The following SMTNL2 variants were observed in gnomAD, a reference collection of about 807,000 sequenced individuals.
The protein encoded by SMTNL2 is smoothelin like 2.
In SMTNL2, 43 loss-of-function variants were observed where a neutral mutation model predicts 44.1. The ratio of observed to expected loss-of-function variants is 0.98; its 90% confidence interval spans 0.76 to 1.26. The LOEUF is 1.26. Ranked by LOEUF, SMTNL2 falls within the 50% of genes most tolerant of loss-of-function variation. SMTNL2 has a pLI of 0.00. For synonymous variants in SMTNL2, 317 were observed against 287.6 expected, an observed-to-expected ratio of 1.10 and a Z score of -1.03; for missense variants, 646 against 670.2, an observed-to-expected ratio of 0.96 and a Z score of 0.40.
chr17:4,607,630 C>G lies in SMTNL2; in HGVS notation c.*143C>G. 1 of 1,314,860 alleles carries G rather than the reference C, an allele frequency of 7.6e-7. No individual in the cohort carries two copies. 81.4% of individuals were successfully genotyped at this position (1,314,860 alleles called of 1,614,324 possible). ...TTCTGTGGCATGTGACGGCACTCCC[C>G]TTCGAGCCCAGCTGTGTTACTGATT... On this transcript the variant is annotated 3_prime_UTR_variant, in exon 8 of 8. Coordinates refer to ENST00000389313, the MANE Select transcript of SMTNL2 (RefSeq NM_001114974.2). The surrounding 1 kb of genome is among the most constrained non-coding windows in gnomAD (Gnocchi z 4.7).
intron 1 of SMTNL2, among the ~76,000 whole-genome samples, chr17:4,586,820 A>G (rs1361519953): frequency 1.3e-5 from 2 of 151,952 alleles, no homozygotes; most frequent in African/African-American, 4.8e-5. Flanking sequence ...GAATGAGCAG[A>G]TGGGGTAGTC....
intron 5 of SMTNL2, 31 bp from the exon 6 acceptor site, chr17:4,596,829 C>A (rs1348006595): frequency 2.1e-6 from 3 of 1,417,694 alleles, no homozygotes; most frequent in South Asian, 3.0e-5. Context: ...GCTGGAGGGG[C>A]CCCCGCAGCA....
intron 7 of SMTNL2, among the ~76,000 whole-genome samples, chr17:4,601,086 G>A (rs987253847): frequency 2.6e-5 from 4 of 152,176 alleles, no homozygotes; most frequent in Admixed American, 6.5e-5. Flanking sequence ...CCACTGATGC[G>A]GGGCGTAAGC....
intron 7 of SMTNL2, among the ~76,000 whole-genome samples, chr17:4,601,901 C>A (rs1910051594): frequency 6.6e-6 from 1 of 151,818 alleles, no homozygotes; most frequent in Admixed American, 6.6e-5. Context: ...GCAATTGGGA[C>A]CTCTAATATT....
chr17:4,595,391 G>T lies in SMTNL2; in HGVS notation c.989+64G>T. The T allele has an allele frequency of 6.4e-7, 1 of 1,566,366 alleles. No homozygotes were observed. The highest frequency in any genetic ancestry group is 2.3e-5 in the East Asian group (1 of 44,122). Reference sequence around the variant, plus strand: ...TGTGCCCAGACCCAGACGGGGCTTGGGTGGGTGCAGCAGGGCAAGGTTCAG... The same window carrying T: ...TGTGCCCAGACCCAGACGGGGCTTGTGTGGGTGCAGCAGGGCAAGGTTCAG... On this transcript the variant is annotated intron_variant, in intron 5 of 7. Coordinates refer to ENST00000389313, the MANE Select transcript of SMTNL2 (RefSeq NM_001114974.2). The surrounding 1 kb of genome is among the most constrained non-coding windows in gnomAD (Gnocchi z 5.1).
intron 1 of SMTNL2, among the ~76,000 whole-genome samples, chr17:4,587,321 C>T (rs1313077502): frequency 1.3e-5 from 2 of 152,192 alleles, no homozygotes; most frequent in Non-Finnish European, 2.9e-5. Flanking sequence ...GCTGGGCTGA[C>T]CCCCGAAGCA....
chr17:4,585,501 G>C (rs981706247), intron 1 of SMTNL2, among the ~76,000 whole-genome samples: 1 of 152,182 alleles, frequency 6.6e-6, no homozygotes, highest in Non-Finnish European at 1.5e-5. Context: ...GGGGGTCGAG[G>C]GGGACGCGAT....
At position 4,595,273 on chromosome 17, in the gene SMTNL2, C is replaced by T. The variant is rs1029986899; in HGVS notation, c.935C>T (p.Ala312Val). Reference protein sequence around the residue: ...RSQTLPRTSEAQARKALFEKW... With the variant: ...RSQTLPRTSEVQARKALFEKW... ...CAGACGCTGCCCCGCACCTCGGAGG[C>T]GCAGGCCCGGAAAGCATTGTTTGAG... The change falls in exon 5 of 8, where the codon GCG becomes GTG. Residue 312 changes from alanine to valine, a missense_variant. Physicochemically the swap from Ala to Val is moderately conservative, Grantham distance 64 (BLOSUM62 0). Coordinates refer to ENST00000389313, the MANE Select transcript of SMTNL2 (RefSeq NM_001114974.2). The surrounding 1 kb of genome is among the most constrained non-coding windows in gnomAD (Gnocchi z 5.1). 2.4e-5 allele frequency: 38 copies of T among 1,613,100 alleles called. No homozygotes were observed. Among genetic ancestry groups the T allele is most frequent in the Non-Finnish European group, 2.9e-5 (34 of 1,179,922 alleles).
chr17:4,593,811 C>T lies in SMTNL2; in HGVS notation c.731-11C>T. On this transcript the variant is annotated splice_polypyrimidine_tract_variant and intron_variant, in intron 3 of 7. Coordinates refer to ENST00000389313, the MANE Select transcript of SMTNL2 (RefSeq NM_001114974.2). The stretch of plus-strand genomic sequence containing the variant: ...CAGGGTTTGTTACTTCTCTCCCTCT[C>T]TCTTCCACAGAGAAGAATTCCTCTT... 5 of 1,613,228 alleles carry T rather than the reference C, an allele frequency of 3.1e-6. No homozygotes were observed. Among genetic ancestry groups the T allele is most frequent in the Non-Finnish European group, 3.4e-6 (4 of 1,179,868 alleles).
chr17:4,600,815 C>T lies in SMTNL2; in HGVS notation c.1259+3492C>T, dbSNP rs554201966. ...AGCCCCAGGCTTCCCGCTTGCCCTG[C>T]GGGGAATGTGTCCTGCTCTCGGGTT... On this transcript the variant is annotated intron_variant, in intron 7 of 7. Coordinates refer to ENST00000389313, the MANE Select transcript of SMTNL2 (RefSeq NM_001114974.2). This position sits in a 1 kb window ranked among gnomAD's most constrained non-coding sequence, Gnocchi z 4.7. 1.3e-5 allele frequency among the ~76,000 whole-genome samples: 2 copies of T among 152,296 alleles called. No individual in the cohort carries two copies. Among genetic ancestry groups the T allele is most frequent in the South Asian group, 2.1e-4 (1 of 4,816 alleles).
chr17:4,607,789 C>T lies in SMTNL2; in HGVS notation c.*302C>T. 1 of 268,502 alleles carries T rather than the reference C, an allele frequency of 3.7e-6. No individual in the cohort carries two copies. Among genetic ancestry groups the T allele is most frequent in the Non-Finnish European group, 7.0e-6 (1 of 143,284 alleles). 16.6% of individuals were successfully genotyped at this position (268,502 alleles called of 1,614,324 possible). A position where few individuals can be genotyped will look rare whatever the true frequency, so the allele number is the denominator to read the frequency against. ...CCTAAAGAAATGCTTGTGTTTATAG[C>T]TTCCAGAATGCTAATCTACAATTTT... On this transcript the variant is annotated 3_prime_UTR_variant, in exon 8 of 8. Coordinates refer to ENST00000389313, the MANE Select transcript of SMTNL2 (RefSeq NM_001114974.2). This position sits in a 1 kb window ranked among gnomAD's most constrained non-coding sequence, Gnocchi z 4.7.
chr17:4,593,336 G>A (rs891929567), intron 3 of SMTNL2, among the ~76,000 whole-genome samples, 165 bp downstream of exon 3: 9 of 152,198 alleles, frequency 5.9e-5, no homozygotes, highest in Admixed American at 2.0e-4. Context: ...CCATCCTCCC[G>A]GGCTACTGCC....
Position 4,592,532 on chromosome 17 carries a change from CCTTGGCCTGG to C in SMTNL2, c.487+86_487+95del. The C allele has an allele frequency of 7.4e-7, 1 of 1,345,562 alleles. No individual in the cohort carries two copies. Among genetic ancestry groups the C allele is most frequent in the Non-Finnish European group, 1.0e-6 (1 of 978,456 alleles). 83.4% of individuals were successfully genotyped at this position (1,345,562 alleles called of 1,614,324 possible). On this transcript the variant is annotated intron_variant, in intron 2 of 7. Coordinates refer to ENST00000389313, the MANE Select transcript of SMTNL2 (RefSeq NM_001114974.2). This position sits in a 1 kb window ranked among gnomAD's most constrained non-coding sequence, Gnocchi z 4.5. ...GGTCAGGTATCTGTGCCAGGCTGGCCCTTGGCCTGGCATCGGGGGGACTCTATCCTGAACC... is the reference window on the plus strand; with the variant it reads ...GGTCAGGTATCTGTGCCAGGCTGGCCCATCGGGGGGACTCTATCCTGAACC...
intron 7 of SMTNL2, among the ~76,000 whole-genome samples, chr17:4,601,340 G>A (rs1307915577): frequency 1.3e-5 from 2 of 151,892 alleles, no homozygotes; most frequent in African/African-American, 2.4e-5. Flanking sequence ...GTTTGAGCCC[G>A]GATGGCAGAG....
At position 4,595,194 on chromosome 17, in the gene SMTNL2, G is replaced by C. The variant is rs1303649940; in HGVS notation, c.856G>C (p.Ala286Pro). The change falls in exon 5 of 8, where the codon GCC becomes CCC. Residue 286 changes from alanine to proline, a missense_variant. Coordinates refer to ENST00000389313, the MANE Select transcript of SMTNL2 (RefSeq NM_001114974.2). This position sits in a 1 kb window ranked among gnomAD's most constrained non-coding sequence, Gnocchi z 5.1. Reference sequence around the variant, plus strand: ...GTCGCCCGTGTCCCCGCAGCCGCCAGCCATAACTCAGGTCCATCGGCAGGG... The same window carrying C: ...GTCGCCCGTGTCCCCGCAGCCGCCACCCATAACTCAGGTCCATCGGCAGGG... The part of the protein sequence containing the change: ...PQSPVSPQPP[A>P]ITQVHRQGER... 1.9e-6 allele frequency: 3 copies of C among 1,613,490 alleles called. No homozygotes were observed. Among genetic ancestry groups the C allele is most frequent in the Admixed American group, 3.3e-5 (2 of 60,034 alleles).
At chr17:4,594,846 C>T (rs1270979948) in intron 4 of SMTNL2, among the ~76,000 whole-genome samples, 1 of 152,104 alleles carries the variant, frequency 6.6e-6, no homozygotes, top group African/African-American at 2.4e-5. Flanking sequence ...CTGAGCACAC[C>T]TCCTGCCTGA....
chr17:4,602,675 C>A (rs1162842650), intron 7 of SMTNL2, among the ~76,000 whole-genome samples: 2 of 152,066 alleles, frequency 1.3e-5, no homozygotes, highest in African/African-American at 4.8e-5. Flanking sequence ...CCAGGCTGGT[C>A]ACGAACTCCT....
At chr17:4,596,011 G>C (rs1909793267) in intron 5 of SMTNL2, among the ~76,000 whole-genome samples, 1 of 116,538 alleles carries the variant, frequency 8.6e-6, no homozygotes, top group African/African-American at 3.0e-5. Flanking sequence ...GATGCCTGCT[G>C]TGTGCAGGGT....
Position 4,596,856 on chromosome 17 carries a change from G to A in SMTNL2, c.990-4G>A, listed in dbSNP as rs920144158. 31 of 1,456,940 alleles carry A rather than the reference G, an allele frequency of 2.1e-5. No individual in the cohort carries two copies. Among genetic ancestry groups the A allele is most frequent in the Middle Eastern group, 2.5e-4 (1 of 4,070 alleles). 90.3% of individuals were successfully genotyped at this position (1,456,940 alleles called of 1,614,324 possible). A position where few individuals can be genotyped will look rare whatever the true frequency, so the allele number is the denominator to read the frequency against. On this transcript the variant is annotated splice_polypyrimidine_tract_variant and splice_region_variant and intron_variant, in intron 5 of 7. Transcript: ENST00000389313. ...CCCGCAGCAGGCCTGCCGTCTCTCCGCAGGGGGAAAGGCGAGGCCCGGGCC... is the reference window on the plus strand; with the variant it reads ...CCCGCAGCAGGCCTGCCGTCTCTCCACAGGGGGAAAGGCGAGGCCCGGGCC...
Sources: gnomAD v4.1 joint callset for allele counts (sites outside exome capture counted in the v4.1 genomes callset) on GRCh38, gnomAD v4.1.1 for gene constraint, Gnocchi (gnomAD v3.1) non-coding constraint, MANE v1.5 for transcripts, NCBI Gene and HGNC (gene_info 2026-07-23, HGNC 2026-07-21) for gene names.